The following PCDH15 variants were observed in gnomAD, a reference collection of about 807,000 sequenced individuals.
PCDH15 encodes protocadherin-15.
Under a neutral mutation model 178.5 loss-of-function variants are expected in PCDH15, and 129 were observed. The observed-to-expected ratio is 0.72, with a 90% CI of 0.63 to 0.84. The LOEUF (loss-of-function observed/expected upper bound fraction) is 0.84. Ranked by LOEUF, PCDH15 falls within the 40% of genes least tolerant of loss-of-function variation. The pLI, the probability that PCDH15 is intolerant of heterozygous loss-of-function variation, is 0.00. For missense variants in PCDH15, 2,230 were observed against 2,099.9 expected (o/e 1.06, Z -1.21); for synonymous variants, 800 against 732.0 (o/e 1.09, Z -1.50).
At chr10:53,829,761 G>C (rs568619245) in intron 30 of PCDH15, among the ~76,000 whole-genome samples, 76 of 152,170 alleles carry the variant, frequency 5.0e-4, no homozygotes, top group Non-Finnish European at 8.5e-4. Flanking sequence ...AATATTAAAG[G>C]AATGGAGTCA....
intron 3 of PCDH15, among the ~76,000 whole-genome samples, chr10:54,876,596 G>A (rs1178787051): frequency 6.6e-6 from 1 of 152,118 alleles, no homozygotes. Flanking sequence ...CCAACTTCAT[G>A]AATGACATTG....
chr10:53,962,317 C>T (rs1393073449), intron 21 of PCDH15, among the ~76,000 whole-genome samples: 1 of 152,028 alleles, frequency 6.6e-6, no homozygotes, highest in Non-Finnish European at 1.5e-5. Context: ...TTCAAGTGTT[C>T]CTATCCCACT....
intron 8 of PCDH15, among the ~76,000 whole-genome samples, chr10:54,257,846 C>T (rs989364752): frequency 5.3e-5 from 8 of 152,086 alleles, no homozygotes; most frequent in Admixed American, 3.3e-4. Flanking sequence ...ACTGTCTTTA[C>T]ATTGGAATAA....
intron 3 of PCDH15, among the ~76,000 whole-genome samples, chr10:54,445,835 A>G (rs936510940): frequency 1.3e-5 from 2 of 151,512 alleles, no homozygotes; most frequent in African/African-American, 4.8e-5. Flanking sequence ...CTTTTCACAG[A>G]AATTAGTTTA....
intron 2 of PCDH15, among the ~76,000 whole-genome samples, chr10:54,994,329 T>A (rs1591824679): frequency 6.6e-6 from 1 of 152,160 alleles, no homozygotes; most frequent in South Asian, 2.1e-4. Flanking sequence ...GTTTAAACCA[T>A]GAATTTGGGG....
At chr10:53,945,222 T>C (rs867161785) in intron 23 of PCDH15, among the ~76,000 whole-genome samples, 4 of 152,226 alleles carry the variant, frequency 2.6e-5, no homozygotes, top group Middle Eastern at 3.2e-3. Context: ...ACAATGCCTA[T>C]GCATTTCAGT....
intron 2 of PCDH15, among the ~76,000 whole-genome samples, chr10:54,999,719 A>T (rs4406735): frequency 8.6e-5 from 13 of 151,970 alleles, no homozygotes; most frequent in East Asian, 3.9e-4. Context: ...AAATTCAGCC[A>T]GATATCGGGC....
At chr10:53,915,136 T>G (rs538769188) in intron 25 of PCDH15, among the ~76,000 whole-genome samples, 2 of 152,324 alleles carry the variant, frequency 1.3e-5, no homozygotes, top group Non-Finnish European at 1.5e-5. Flanking sequence ...AATTTGTGTA[T>G]TTTTAAGTTA....
chr10:54,304,174 C>T (rs1221849602), intron 8 of PCDH15, among the ~76,000 whole-genome samples: 2 of 152,018 alleles, frequency 1.3e-5, no homozygotes, highest in African/African-American at 4.8e-5. Flanking sequence ...TGTTTTGTAT[C>T]TTATTTACTC....
Position 54,312,230 on chromosome 10 carries a change from C to T in PCDH15, c.876+5041G>A, listed in dbSNP as rs949669315. On this transcript the variant is annotated intron_variant, in intron 8 of 37. Transcript: ENST00000644397. Reference sequence around the variant, plus strand: ...CAATCAAAAAGAATAAAAGTACAGACATAAACACAGTAATTTGAATGTGAA... The same window carrying T: ...CAATCAAAAAGAATAAAAGTACAGATATAAACACAGTAATTTGAATGTGAA... Among the ~76,000 whole-genome samples, 3 of 151,972 alleles carry T rather than the reference C, an allele frequency of 2.0e-5. No individual in the cohort carries two copies. The South Asian group carries it at 6.2e-4, about 31-fold the overall frequency.
intron 2 of PCDH15, among the ~76,000 whole-genome samples, chr10:55,603,368 C>A (rs944226605): frequency 6.6e-6 from 1 of 150,448 alleles, no homozygotes; most frequent in African/African-American, 2.5e-5. Context: ...GGCAGGCCAA[C>A]GTTCAGATTC....
In PCDH15 at chr10:55,459,885, A is replaced by G. The variant is rs1444800668; in HGVS notation, c.-156+167740T>C. Among the ~76,000 whole-genome samples the G allele has an allele frequency of 2.6e-5, 4 of 152,108 alleles. No individual in the cohort carries two copies. The East Asian group carries it at 7.7e-4, about 29-fold the overall frequency. On this transcript the variant is annotated intron_variant, in intron 2 of 5. Coordinates refer to the PCDH15 transcript ENST00000613346. ...TGTTCAAACTTCAATTAAAAATATA[A>G]CTAAAAAAAGAAAATTATTAAAGAA...
At chr10:54,240,060 A>G (rs1310067168) in intron 8 of PCDH15, among the ~76,000 whole-genome samples, 1 of 152,180 alleles carries the variant, frequency 6.6e-6, no homozygotes, top group Non-Finnish European at 1.5e-5. Context: ...ATATACATTA[A>G]TTAGAAGAAA....
intron 2 of PCDH15, among the ~76,000 whole-genome samples, chr10:55,149,342 C>T (rs1191453454): frequency 1.3e-5 from 2 of 151,458 alleles, no homozygotes; most frequent in Admixed American, 6.6e-5. Context: ...CAATGAAAGC[C>T]TTAAAATGTT....
Position 54,254,872 on chromosome 10 carries a change from C to T in PCDH15, c.877-17941G>A, listed in dbSNP as rs182019704. On this transcript the variant is annotated intron_variant, in intron 8 of 37. Coordinates refer to ENST00000644397, the MANE Select transcript of PCDH15 (RefSeq NM_001384140.1). The stretch of plus-strand genomic sequence containing the variant: ...TATTTGCCCACCGGGTCTCTGGAAG[C>T]ATCTGCTAAACTTCTCAATTTGTCT... Among the ~76,000 whole-genome samples the T allele has an allele frequency of 1.6e-3, 249 of 152,054 alleles. 1 individual carries two copies. The highest frequency in any genetic ancestry group is 5.5e-3 in the African/African-American group (230 of 41,486).
At chr10:54,448,635 C>A (rs1227424937) in intron 3 of PCDH15, among the ~76,000 whole-genome samples, 1 of 151,634 alleles carries the variant, frequency 6.6e-6, no homozygotes, top group Non-Finnish European at 1.5e-5. Flanking sequence ...AAAGGAAATT[C>A]TAGCAATAGA....
chr10:54,192,116 A>AT (rs202237087), intron 11 of PCDH15, among the ~76,000 whole-genome samples: 31,359 of 140,458 alleles, frequency 0.22, 5,193 homozygotes, highest in African/African-American at 0.47. Flanking sequence ...AGAAAAAAAA[A>AT]AAAGAAAGAA....
chr10:54,720,285 T>G (rs940308544), intron 1 of PCDH15, among the ~76,000 whole-genome samples: 1 of 152,066 alleles, frequency 6.6e-6, no homozygotes, highest in Admixed American at 6.6e-5. Flanking sequence ...GGGAGAAATT[T>G]GGACATCTAG....
At chr10:55,284,397 T>G (rs867339468) in intron 1 of PCDH15, among the ~76,000 whole-genome samples, 1 of 152,040 alleles carries the variant, frequency 6.6e-6, no homozygotes, top group African/African-American at 2.4e-5. Context: ...TTCCCCAGTG[T>G]TTTCACAGGG....
Sources: gnomAD v4.1 joint callset for allele counts (sites outside exome capture counted in the v4.1 genomes callset) on GRCh38, gnomAD v4.1.1 for gene constraint, MANE v1.5 for transcripts, NCBI Gene and HGNC (gene_info 2026-07-23, HGNC 2026-07-21) for gene names.